Variants in AGBL4 observed in about 807,000 individuals in gnomAD.
AGBL4 encodes the protein cytosolic carboxypeptidase 6.
Under a neutral mutation model 66.4 loss-of-function variants are expected in AGBL4, and 58 were observed. That is an observed-to-expected ratio of 0.87 (90% CI 0.71 to 1.09). The LOEUF (loss-of-function observed/expected upper bound fraction) is 1.09, where lower values mean the gene tolerates loss of function less well. AGBL4 is among the 50% of genes least tolerant of loss of function. The pLI, the probability that AGBL4 is intolerant of heterozygous loss-of-function variation, is 0.00. For synonymous variants in AGBL4, 234 were observed against 222.9 expected, an observed-to-expected ratio of 1.05 and a Z score of -0.44; for missense variants, 579 against 631.0, an observed-to-expected ratio of 0.92 and a Z score of 0.88.
chr1:49,612,627 T>C (rs1645176016), intron 3 of AGBL4, among the ~76,000 whole-genome samples: 1 of 152,028 alleles, frequency 6.6e-6, no homozygotes, highest in African/African-American at 2.4e-5. Context: ...CATGAAAAAA[T>C]GCTCAACATC....
chr1:48,952,691 G>A (rs902793599), intron 5 of AGBL4, among the ~76,000 whole-genome samples: 15 of 152,216 alleles, frequency 9.9e-5, no homozygotes, highest in African/African-American at 3.6e-4. Flanking sequence ...AGGCAGAGAA[G>A]TGTAATGTAG....
At chr1:49,819,405 A>G (rs1339463299) in intron 2 of AGBL4, among the ~76,000 whole-genome samples, 1 of 152,196 alleles carries the variant, frequency 6.6e-6, no homozygotes, top group Non-Finnish European at 1.5e-5. Context: ...GCTATCTTCT[A>G]TTAATTGTGT....
chr1:49,863,000 G>A lies in AGBL4; in HGVS notation c.35-11482C>T, dbSNP rs146699631. The stretch of plus-strand genomic sequence containing the variant: ...AATAGTAAGTACACAGAAAAACACA[G>A]ACTATTTTAACATTATAACATAGAA... On this transcript the variant is annotated intron_variant, in intron 1 of 13. Transcript: ENST00000371839. Among the ~76,000 whole-genome samples the A allele has an allele frequency of 2.0e-4, 30 of 152,182 alleles. No individual in the cohort carries two copies. The East Asian group carries it at 5.0e-3, about 25-fold the overall frequency.
chr1:49,712,455 G>T (rs1413499972), intron 2 of AGBL4, among the ~76,000 whole-genome samples: 1 of 151,656 alleles, frequency 6.6e-6, no homozygotes, highest in Non-Finnish European at 1.5e-5. Flanking sequence ...GTGGGGGCAG[G>T]GAATGAAGAA....
intron 9 of AGBL4, among the ~76,000 whole-genome samples, chr1:48,598,121 C>T (rs1645023480): frequency 6.6e-6 from 1 of 152,206 alleles, no homozygotes; most frequent in Non-Finnish European, 1.5e-5. Flanking sequence ...GGGTCCAGAT[C>T]ACACAGGGCC....
chr1:49,827,773 G>A (rs1273481106), intron 2 of AGBL4, among the ~76,000 whole-genome samples: 2 of 152,154 alleles, frequency 1.3e-5, no homozygotes, highest in African/African-American at 2.4e-5. Flanking sequence ...CACCTGGCAT[G>A]AGCATCATAC....
At chr1:49,591,951 A>T (rs1045918399) in intron 3 of AGBL4, among the ~76,000 whole-genome samples, 1 of 152,224 alleles carries the variant, frequency 6.6e-6, no homozygotes, top group Non-Finnish European at 1.5e-5. Context: ...GATGGATTAA[A>T]GACTTAAATG....
chr1:49,955,474 T>C (rs750505279), intron 1 of AGBL4, among the ~76,000 whole-genome samples: 3 of 152,014 alleles, frequency 2.0e-5, no homozygotes, highest in South Asian at 2.1e-4. Flanking sequence ...GCCTAGATAA[T>C]TGAGTGATGC....
In AGBL4 at chr1:49,561,380, A is replaced by G. The variant is rs1404758490; in HGVS notation, c.282+135933T>C. Among the ~76,000 whole-genome samples the G allele has an allele frequency of 2.6e-5, 4 of 151,764 alleles. No homozygotes were observed. The East Asian group carries it at 7.7e-4, about 29-fold the overall frequency. The stretch of plus-strand genomic sequence containing the variant: ...CAACATGCAGGTTACATATGTACAC[A>G]TGTGCCATGTTGGTGTGCTGCACCC... On this transcript the variant is annotated intron_variant, in intron 3 of 13. Coordinates refer to ENST00000371839, the MANE Select transcript of AGBL4 (RefSeq NM_032785.4).
At chr1:48,844,092 G>A (rs11590635) in intron 6 of AGBL4, among the ~76,000 whole-genome samples, 2,327 of 152,228 alleles carry the variant, frequency 0.015, 21 homozygotes, top group Non-Finnish European at 0.023. Context: ...GCTGGTCTTT[G>A]TCAGGTTGTC....
At chr1:49,086,869 CCCCATGGACCAGAGCACCCAAACAAAGAA>C (rs1644917160) in intron 4 of AGBL4, among the ~76,000 whole-genome samples, 1 of 151,790 alleles carries the variant, frequency 6.6e-6, no homozygotes, top group African/African-American at 2.4e-5. Flanking sequence ...CCTGAGGGAG[CCCCATGGACCAGAGCACCCAAACAAAGAA>C]ATGCAAGCAT....
chr1:49,804,623 G>A (rs1255421533), intron 2 of AGBL4, among the ~76,000 whole-genome samples: 1 of 152,142 alleles, frequency 6.6e-6, no homozygotes, highest in African/African-American at 2.4e-5. Context: ...ACTGAAGGCT[G>A]AATTTATTAA....
chr1:48,962,096 C>CCCAT (rs372705417), intron 5 of AGBL4, among the ~76,000 whole-genome samples: 170 of 151,150 alleles, frequency 1.1e-3, no homozygotes, highest in East Asian at 6.6e-3. Context: ...CTTAAAAGAT[C>CCCAT]CCATCCATCC....
intron 3 of AGBL4, among the ~76,000 whole-genome samples, chr1:49,684,912 AC>A (rs1481225617): frequency 6.6e-6 from 1 of 152,016 alleles, no homozygotes; most frequent in African/African-American, 2.4e-5. Context: ...TTTCCTTTTA[AC>A]TTTTATTTTA....
chr1:49,626,447 CA>C (rs1645464669), intron 3 of AGBL4, among the ~76,000 whole-genome samples: 1 of 152,130 alleles, frequency 6.6e-6, no homozygotes, highest in African/African-American at 2.4e-5. Context: ...GTAAGAAAGG[CA>C]AACTCATATC....
intron 3 of AGBL4, among the ~76,000 whole-genome samples, chr1:49,581,097 G>C (rs1185667922): frequency 6.6e-6 from 1 of 151,908 alleles, no homozygotes; most frequent in Non-Finnish European, 1.5e-5. Context: ...CTGTCTTCAA[G>C]TTCTGAAATT....
chr1:48,649,570 GT>G (rs959476391), intron 8 of AGBL4, among the ~76,000 whole-genome samples: 1 of 152,148 alleles, frequency 6.6e-6, no homozygotes, highest in Non-Finnish European at 1.5e-5. Flanking sequence ...GTTAGAAAAT[GT>G]TGCTGTTCTT....
chr1:49,849,274 G>A (rs1019007086), intron 2 of AGBL4, among the ~76,000 whole-genome samples: 5 of 151,992 alleles, frequency 3.3e-5, no homozygotes, highest in African/African-American at 1.2e-4. Flanking sequence ...ACGGGATTGT[G>A]AAACTCAGGA....
intron 6 of AGBL4, among the ~76,000 whole-genome samples, chr1:48,787,921 T>C (rs1049810757): frequency 6.6e-6 from 1 of 152,220 alleles, no homozygotes; most frequent in Admixed American, 6.5e-5. Context: ...TTTGGCCACA[T>C]TGCTGGGCCA....
Sources: allele counts gnomAD v4.1 joint callset (sites outside exome capture counted in the v4.1 genomes callset), GRCh38; gene constraint gnomAD v4.1.1; transcripts MANE v1.5; gene names NCBI Gene and HGNC (gene_info 2026-07-23, HGNC 2026-07-21).